CDH4: variants seen among roughly 807,000 people sequenced by gnomAD.
The protein encoded by CDH4 is cadherin-4.
CDH4 carries 33 observed loss-of-function variants against 86.0 expected under a neutral mutation model. The observed-to-expected ratio is 0.38, with a 90% confidence interval of 0.29 to 0.51. The LOEUF (loss-of-function observed/expected upper bound fraction) is 0.51, where lower values mean the gene tolerates loss of function less well. CDH4 is among the 20% of genes least tolerant of loss of function. The pLI, the probability that CDH4 is intolerant of heterozygous loss-of-function variation, is 0.86. For missense variants in CDH4, 1,114 were observed against 1,307.4 expected (o/e 0.85, Z 2.28); for synonymous variants, 555 against 549.4 (o/e 1.01, Z -0.14).
At chr20:61,870,283 A>G (rs1187086540) in intron 6 of CDH4, among the ~76,000 whole-genome samples, 2 of 152,102 alleles carry the variant, frequency 1.3e-5, no homozygotes, top group African/African-American at 4.8e-5. Flanking sequence ...TGACAAACCC[A>G]TGCACAAAAG....
chr20:61,808,764 G>A (rs1428567279), intron 4 of CDH4, among the ~76,000 whole-genome samples: 3 of 152,230 alleles, frequency 2.0e-5, no homozygotes, highest in Non-Finnish European at 4.4e-5. Context: ...CTGGCCAAGG[G>A]CGAGTGTCCA....
intron 4 of CDH4, among the ~76,000 whole-genome samples, chr20:61,816,465 G>A (rs907290995): frequency 6.6e-6 from 1 of 152,132 alleles, no homozygotes; most frequent in Non-Finnish European, 1.5e-5. Context: ...TATAATAACT[G>A]AGGCTATTAT....
chr20:61,854,978 G>C lies in CDH4; in HGVS notation c.877+2080G>C, dbSNP rs71323527. Among the ~76,000 whole-genome samples, 438 of 67,272 alleles carry C rather than the reference G, an allele frequency of 6.5e-3. 3 individuals carry two copies. The highest frequency in any genetic ancestry group is 8.4e-3 in the African/African-American group (131 of 15,602). 44.1% of individuals were successfully genotyped at this position (67,272 alleles called of 152,430 possible). On this transcript the variant is annotated intron_variant, in intron 6 of 15. Coordinates refer to ENST00000614565, the MANE Select transcript of CDH4 (RefSeq NM_001794.5). The stretch of plus-strand genomic sequence containing the variant: ...TTGCGCCTTTGGCCCACCCCCAGGG[G>C]TGCAGTGTGAACAGGGTGAATTGTG...
chr20:61,502,906 G>C (rs2085714834), intron 2 of CDH4, among the ~76,000 whole-genome samples: 1 of 152,092 alleles, frequency 6.6e-6, no homozygotes, highest in Non-Finnish European at 1.5e-5. Flanking sequence ...TGGTTGTTGG[G>C]GCAATTTATT....
In CDH4 at chr20:61,917,198, T is replaced by A. The variant is rs1210601853; in HGVS notation, c.1375-6253T>A. The stretch of plus-strand genomic sequence containing the variant: ...CCAGCCGGGGATGAGGAATGCGCCT[T>A]GCCACCTCCCAGGCTCTACCTGAGG... On this transcript the variant is annotated intron_variant, in intron 9 of 15. Transcript: ENST00000614565. Among the ~76,000 whole-genome samples, 3 of 152,196 alleles carry A rather than the reference T, an allele frequency of 2.0e-5. No homozygotes were observed. In the East Asian group the frequency reaches 5.8e-4, roughly 29 times the overall value.
intron 14 of CDH4, among the ~76,000 whole-genome samples, chr20:61,933,791 G>A (rs1444404515): frequency 6.6e-6 from 1 of 152,220 alleles, no homozygotes; most frequent in Non-Finnish European, 1.5e-5. Flanking sequence ...GCGTGGTGGT[G>A]AGGTCACTCG....
chr20:61,616,575 G>A (rs1192867007), intron 2 of CDH4, among the ~76,000 whole-genome samples: 1 of 152,172 alleles, frequency 6.6e-6, no homozygotes, highest in Admixed American at 6.5e-5. Flanking sequence ...AGAGCTTACT[G>A]GTAGCATCTG....
intron 11 of CDH4, among the ~76,000 whole-genome samples, chr20:61,927,860 TGAG>T (rs1263083476): frequency 6.6e-6 from 1 of 151,952 alleles, no homozygotes; most frequent in Non-Finnish European, 1.5e-5. Flanking sequence ...CCGTGTCTGT[TGAG>T]GTGCCGTGCG....
intron 2 of CDH4, among the ~76,000 whole-genome samples, chr20:61,461,595 CGTGGGA>C (rs1342929751): frequency 6.6e-6 from 1 of 152,060 alleles, no homozygotes; most frequent in African/African-American, 2.4e-5. Flanking sequence ...ACGGGACCCA[CGTGGGA>C]GTGGGAGGGG....
At chr20:61,348,494 C>G (rs1176282385) in intron 2 of CDH4, among the ~76,000 whole-genome samples, 1 of 152,174 alleles carries the variant, frequency 6.6e-6, no homozygotes, top group Non-Finnish European at 1.5e-5. Context: ...CAGCGGTTCC[C>G]TCCACCAAGA....
intron 4 of CDH4, among the ~76,000 whole-genome samples, chr20:61,802,825 C>T (rs1039586804): frequency 1.2e-4 from 18 of 152,206 alleles, no homozygotes; most frequent in African/African-American, 3.4e-4. Flanking sequence ...CTGTGGCCAC[C>T]GCCGTCCACA....
intron 2 of CDH4, among the ~76,000 whole-genome samples, chr20:61,577,821 C>A (rs147911982): frequency 9.2e-5 from 14 of 152,292 alleles, no homozygotes; most frequent in African/African-American, 3.4e-4. Flanking sequence ...AAGACTATGT[C>A]TTGACATAAT....
intron 2 of CDH4, among the ~76,000 whole-genome samples, chr20:61,717,231 G>A (rs1181329852): frequency 5.3e-5 from 8 of 152,230 alleles, no homozygotes; most frequent in Non-Finnish European, 4.4e-5. Flanking sequence ...AAAGGCAGGG[G>A]AGCGGGAGCA....
chr20:61,614,585 C>G (rs1166911243), intron 2 of CDH4, among the ~76,000 whole-genome samples: 1 of 152,126 alleles, frequency 6.6e-6, no homozygotes, highest in Non-Finnish European at 1.5e-5. Flanking sequence ...GGAGTCTGCG[C>G]TGACGTGGGC....
chr20:61,817,016 C>T (rs183657889), intron 4 of CDH4, among the ~76,000 whole-genome samples: 9 of 152,240 alleles, frequency 5.9e-5, no homozygotes, highest in African/African-American at 1.2e-4. Context: ...AAGGCTTGGC[C>T]GCCGCATGGA....
At chr20:61,854,772 G>A (rs1449871311) in intron 6 of CDH4, among the ~76,000 whole-genome samples, 1 of 143,920 alleles carries the variant, frequency 6.9e-6, no homozygotes, top group Non-Finnish European at 1.5e-5. Context: ...AGGGTGAATT[G>A]TGCCCTTGGT....
At chr20:61,696,910 A>G (rs1006762964) in intron 2 of CDH4, among the ~76,000 whole-genome samples, 4 of 152,232 alleles carry the variant, frequency 2.6e-5, no homozygotes, top group Non-Finnish European at 5.9e-5. Context: ...AGAGACGCAC[A>G]GAATGCAGTT....
intron 7 of CDH4, among the ~76,000 whole-genome samples, chr20:61,877,359 CA>C (rs1480530766): frequency 7.7e-6 from 1 of 129,044 alleles, no homozygotes; most frequent in Non-Finnish European, 1.7e-5. Context: ...GAGCGGTACC[CA>C]CCCCCCACCC....
chr20:61,296,636 T>C (rs538292723), intron 2 of CDH4, among the ~76,000 whole-genome samples: 1 of 152,324 alleles, frequency 6.6e-6, no homozygotes, highest in South Asian at 2.1e-4. Flanking sequence ...AGGTACTTTT[T>C]TTCCATTCTG....
Sources: gnomAD v4.1 joint callset for allele counts (sites outside exome capture counted in the v4.1 genomes callset) on GRCh38, gnomAD v4.1.1 for gene constraint, MANE v1.5 for transcripts, NCBI Gene and HGNC (gene_info 2026-07-23, HGNC 2026-07-21) for gene names.